Variants in COL19A1 observed in about 807,000 individuals in gnomAD.
The protein encoded by COL19A1 is collagen alpha-1(XIX) chain.
A neutral mutation model predicts 190.2 loss-of-function variants in COL19A1; 159 were observed. That is an observed-to-expected ratio of 0.84 (90% CI 0.73 to 0.95). The LOEUF (loss-of-function observed/expected upper bound fraction) is 0.95, where lower values mean the gene tolerates loss of function less well. Among genes scored for constraint, COL19A1 ranks in the 40% least tolerant of loss-of-function variants. The pLI is 0.00. For missense variants in COL19A1, 1,418 were observed against 1,431.9 expected, an observed-to-expected ratio of 0.99 and a Z score of 0.16; for synonymous variants, 509 against 458.9, an observed-to-expected ratio of 1.11 and a Z score of -1.39.
chr6:70,156,162 G>A lies in COL19A1; in HGVS notation c.2115G>A (p.Gly705=). 1 of 1,613,188 alleles carries A rather than the reference G, an allele frequency of 6.2e-7. No individual in the cohort carries two copies. The highest frequency in any genetic ancestry group is 8.5e-7 in the Non-Finnish European group (1 of 1,179,532). ...GCAACTGCCAAGCCAGTGTCCCAGG[G>A]CTGAAAAGCAACAAAGGAGAAGAAG... ...FCGNCQASVP[G]LKSNKGEEGG... is the part of the protein sequence containing the mutation. Residue 705 remains glycine, a synonymous_variant, in exon 32 of 51, where the codon GGG becomes GGA. Transcript: ENST00000620364.
intron 4 of COL19A1, among the ~76,000 whole-genome samples, chr6:69,921,450 A>ATTCATAT (rs368825990): frequency 0.042 from 1,049 of 25,250 alleles, 20 homozygotes; most frequent in East Asian, 0.14. Flanking sequence ...TATATCATAT[A>ATTCATAT]TCATATATAT....
At chr6:69,997,621 C>T (rs1357035109) in intron 11 of COL19A1, among the ~76,000 whole-genome samples, 1 of 152,014 alleles carries the variant, frequency 6.6e-6, no homozygotes, top group Non-Finnish European at 1.5e-5. Flanking sequence ...GCTAGACTCA[C>T]AGTAGATTTG....
intron 1 of COL19A1, among the ~76,000 whole-genome samples, chr6:69,877,827 T>G (rs1056421722): frequency 1.3e-5 from 2 of 151,934 alleles, no homozygotes; most frequent in African/African-American, 4.8e-5. Context: ...AAGACCATCC[T>G]GGCCCCATCT....
intron 10 of COL19A1, among the ~76,000 whole-genome samples, chr6:69,961,668 G>A (rs985867952): frequency 6.6e-6 from 1 of 151,828 alleles, no homozygotes; most frequent in African/African-American, 2.4e-5. Flanking sequence ...ACTTTTAGAG[G>A]GTAGATGAAG....
intron 4 of COL19A1, among the ~76,000 whole-genome samples, chr6:69,904,433 G>T (rs1770396200): frequency 6.6e-6 from 1 of 152,194 alleles, no homozygotes; most frequent in East Asian, 1.9e-4. Flanking sequence ...CCATCTCAGA[G>T]GTGGAGCAAG....
At chr6:70,075,740 G>A (rs1030345982) in intron 15 of COL19A1, among the ~76,000 whole-genome samples, 3 of 151,442 alleles carry the variant, frequency 2.0e-5, no homozygotes, top group African/African-American at 7.3e-5. Flanking sequence ...GTGCACTTGA[G>A]ATAGAAGAGA....
Position 70,206,896 on chromosome 6 carries a change from C to G in COL19A1, c.3224-5C>G. 1 of 1,612,192 alleles carries G rather than the reference C, an allele frequency of 6.2e-7. No individual in the cohort carries two copies. Among genetic ancestry groups the G allele is most frequent in the Non-Finnish European group, 8.5e-7 (1 of 1,179,360 alleles). On this transcript the variant is annotated splice_region_variant and splice_polypyrimidine_tract_variant and intron_variant, in intron 49 of 50. Coordinates refer to ENST00000620364, the MANE Select transcript of COL19A1 (RefSeq NM_001858.6). ...GTGTCTCTTTTTTATATATTTCTCA[C>G]TTAGGCTACAGAGGACAGAAGGGAG...
At chr6:70,194,333 TG>T (rs1186592219) in intron 48 of COL19A1, among the ~76,000 whole-genome samples, 1 of 152,212 alleles carries the variant, frequency 6.6e-6, no homozygotes, top group Admixed American at 6.5e-5. Context: ...GTGACCCACC[TG>T]GTGATACAAT....
chr6:69,907,117 T>A (rs948164160), intron 4 of COL19A1, among the ~76,000 whole-genome samples: 15 of 147,512 alleles, frequency 1.0e-4, no homozygotes, highest in African/African-American at 3.4e-4. Context: ...ATTTTTTTTT[T>A]TTTTTTTTTT....
rs1460951821 is a variant in COL19A1 at position 70,154,107 on chromosome 6, A to AG, written c.2080-2020_2080-2019insG. On this transcript the variant is annotated intron_variant, in intron 31 of 50. Coordinates refer to ENST00000620364, the MANE Select transcript of COL19A1 (RefSeq NM_001858.6). ...TTTCTCCTAATGCTATCCCTCCCCT[A>AG]CCCCCCCCAACCCCCCACAGGCCCC... Among the ~76,000 whole-genome samples, 47 of 70,314 alleles carry AG rather than the reference A, an allele frequency of 6.7e-4. 1 individual carries two copies. The highest frequency in any genetic ancestry group is 9.7e-4 in the Non-Finnish European group (32 of 32,882). 46.1% of individuals were successfully genotyped at this position (70,314 alleles called of 152,430 possible).
chr6:69,921,438 TATATATC>T (rs1229901051), intron 4 of COL19A1, among the ~76,000 whole-genome samples: 1 of 124,814 alleles, frequency 8.0e-6, no homozygotes, highest in African/African-American at 3.5e-5. Context: ...ATATATATCA[TATATATC>T]ATATATCATA....
chr6:69,979,181 A>G (rs968430326), intron 11 of COL19A1, among the ~76,000 whole-genome samples: 3 of 151,970 alleles, frequency 2.0e-5, no homozygotes, highest in African/African-American at 7.2e-5. Context: ...TAAAGGAAAG[A>G]TCCACAGCCT....
At chr6:70,141,798 G>T (rs564298471) in intron 20 of COL19A1, 95 bp from the exon 21 acceptor site, 5 of 801,062 alleles carry the variant, frequency 6.2e-6, no homozygotes, top group African/African-American at 5.2e-5. Flanking sequence ...CCTTTTTATT[G>T]TATGTTAATT....
intron 19 of COL19A1, among the ~76,000 whole-genome samples, chr6:70,139,936 T>C (rs1312264062): frequency 6.6e-6 from 1 of 151,772 alleles, no homozygotes; most frequent in Non-Finnish European, 1.5e-5. Flanking sequence ...TTTTTTTTTT[T>C]TCTTTTATAA....
At chr6:69,958,622 A>C (rs1774578578) in intron 9 of COL19A1, among the ~76,000 whole-genome samples, 2 of 152,226 alleles carry the variant, frequency 1.3e-5, no homozygotes, top group South Asian at 4.1e-4. Flanking sequence ...TACATTTAGC[A>C]GCAAAGTTTT....
At chr6:70,104,427 C>A (rs1009910843) in intron 16 of COL19A1, among the ~76,000 whole-genome samples, 2 of 152,050 alleles carry the variant, frequency 1.3e-5, no homozygotes, top group African/African-American at 2.4e-5. Context: ...TTTTAAGCAA[C>A]CTAATCTCGT....
intron 14 of COL19A1, among the ~76,000 whole-genome samples, chr6:70,053,848 C>T (rs1219643137): frequency 2.0e-5 from 3 of 151,918 alleles, no homozygotes; most frequent in Non-Finnish European, 2.9e-5. Flanking sequence ...CATGTATTAC[C>T]AAAATTAGCC....
intron 11 of COL19A1, among the ~76,000 whole-genome samples, chr6:69,974,428 C>T (rs1239902699): frequency 6.6e-6 from 1 of 152,144 alleles, no homozygotes; most frequent in Non-Finnish European, 1.5e-5. Context: ...AGTGATTCTG[C>T]CTCCCACTTA....
intron 48 of COL19A1, among the ~76,000 whole-genome samples, chr6:70,198,607 T>C (rs1162976143): frequency 4.6e-5 from 7 of 152,210 alleles, no homozygotes; most frequent in African/African-American, 1.4e-4. Context: ...ATAGATTGTA[T>C]TTATAATGGC....
Sources: allele counts gnomAD v4.1 joint callset (sites outside exome capture counted in the v4.1 genomes callset), GRCh38; gene constraint gnomAD v4.1.1; transcripts MANE v1.5; gene names NCBI Gene and HGNC (gene_info 2026-07-23, HGNC 2026-07-21).